Variants in MALRD1 observed in about 807,000 individuals in gnomAD.
The protein encoded by MALRD1 is MAM and LDL-receptor class A domain-containing protein 1.
In MALRD1, 247 loss-of-function variants were observed where a neutral mutation model predicts 242.1. That is an observed-to-expected ratio of 1.02 (90% CI 0.92 to 1.13). MALRD1 has a LOEUF of 1.13. Among genes scored for constraint, MALRD1 ranks in the 50% most tolerant of loss-of-function variants. MALRD1 has a pLI of 0.00. For synonymous variants in MALRD1, 995 were observed against 866.6 expected (o/e 1.15, Z -2.60); for missense variants, 2,989 against 2,533.1 (o/e 1.18, Z -3.86).
intron 18 of MALRD1, among the ~76,000 whole-genome samples, chr10:19,210,292 A>G (rs1400202269): frequency 6.6e-6 from 1 of 152,196 alleles, no homozygotes; most frequent in Non-Finnish European, 1.5e-5. Context: ...TTCTCTCAGC[A>G]ATTTCCTGAT....
intron 31 of MALRD1, among the ~76,000 whole-genome samples, chr10:19,499,469 T>C (rs903299904): frequency 6.7e-6 from 1 of 150,018 alleles, no homozygotes; most frequent in Non-Finnish European, 1.5e-5. Flanking sequence ...AAAACCAGCC[T>C]ATGCAGCAAG....
chr10:19,382,718 A>G (rs74118906), intron 26 of MALRD1, among the ~76,000 whole-genome samples: 2,478 of 152,186 alleles, frequency 0.016, 62 homozygotes, highest in African/African-American at 0.057. Flanking sequence ...TTATAAATAT[A>G]TGGAACCCTC....
intron 21 of MALRD1, among the ~76,000 whole-genome samples, chr10:19,315,023 A>AATTTATATAAATATG (rs1842587610): frequency 1.5e-5 from 2 of 137,686 alleles, no homozygotes; most frequent in African/African-American, 5.5e-5. Context: ...ATATAAATAT[A>AATTTATATAAATATG]TAAATATAAT....
intron 36 of MALRD1, among the ~76,000 whole-genome samples, chr10:19,691,657 C>A (rs773725793): frequency 2.6e-5 from 4 of 152,018 alleles, no homozygotes; most frequent in Admixed American, 2.6e-4. Context: ...CTCTTTCATT[C>A]GTAACTTTCT....
intron 21 of MALRD1, among the ~76,000 whole-genome samples, chr10:19,297,062 T>C (rs991541919): frequency 6.6e-6 from 1 of 150,990 alleles, no homozygotes; most frequent in Non-Finnish European, 1.5e-5. Context: ...GTGCCTCAAC[T>C]CTTTTCTCTT....
rs1008896007 is a variant in MALRD1, at chr10:19,407,560, A to G, written c.4845+17951A>G. 5.3e-5 allele frequency among the ~76,000 whole-genome samples: 8 copies of G among 152,156 alleles called. 1 individual carries two copies. The highest frequency in any genetic ancestry group is 3.9e-4 in the Admixed American group (6 of 15,272). ...ATAGACAAATTGACAAAAGACATAC[A>G]TAGGTATCACACCTAAGAGGAAATA... On this transcript the variant is annotated intron_variant, in intron 28 of 39. Transcript: ENST00000454679.
intron 28 of MALRD1, among the ~76,000 whole-genome samples, chr10:19,433,881 C>A (rs796896135): frequency 6.6e-6 from 1 of 151,978 alleles, no homozygotes; most frequent in Admixed American, 6.6e-5. Context: ...AACACACACA[C>A]ACACACACGC....
chr10:19,217,532 CTTTTTT>C (rs34267262), intron 18 of MALRD1, among the ~76,000 whole-genome samples: 8,872 of 116,586 alleles, frequency 0.076, 261 homozygotes, highest in African/African-American at 0.12. Context: ...ATCATGCAGT[CTTTTTT>C]TTTTTTTTTT....
intron 12 of MALRD1, among the ~76,000 whole-genome samples, chr10:19,162,981 A>C (rs1834498164): frequency 1.3e-5 from 2 of 150,862 alleles, no homozygotes; most frequent in South Asian, 4.2e-4. Flanking sequence ...TAAAAAGTTA[A>C]AAAAAAATTA....
chr10:19,388,069 T>C (rs758441047), intron 27 of MALRD1, among the ~76,000 whole-genome samples: 9 of 152,182 alleles, frequency 5.9e-5, no homozygotes, highest in Non-Finnish European at 1.0e-4. Context: ...CTCTTCCATG[T>C]CCCCTCTTAG....
Position 19,692,481 on chromosome 10 carries a change from G to A in MALRD1, c.6241G>A (p.Gly2081Arg), listed in dbSNP as rs1292808844. 2.0e-6 allele frequency: 3 copies of A among 1,535,458 alleles called. No individual in the cohort carries two copies. Among genetic ancestry groups the A allele is most frequent in the East Asian group, 4.9e-5 (2 of 40,840 alleles). Reference protein sequence around the residue: ...QNNTWTLLGIGLAFLMTHITV... With the variant: ...QNNTWTLLGIRLAFLMTHITV... ...AGATACATGGACTCTCCTGGGTATT[G>A]GATTAGCATTCCTGATGACTCACAT... Residue 2081 changes from glycine to arginine, a missense_variant, in exon 38 of 40, where the codon GGA becomes AGA. Coordinates refer to ENST00000454679, the MANE Select transcript of MALRD1 (RefSeq NM_001142308.3).
intron 29 of MALRD1, among the ~76,000 whole-genome samples, chr10:19,457,629 G>A (rs1264411445): frequency 1.3e-5 from 2 of 151,382 alleles, no homozygotes; most frequent in Non-Finnish European, 2.9e-5. Flanking sequence ...TCTTATCTCA[G>A]AATGTTGCAT....
At position 19,696,277 on chromosome 10, in the gene MALRD1, A is replaced by G. The variant is rs1210139781; in HGVS notation, c.6314+3723A>G. ...AGTATGGGTTCCAAGTAAACCAAGT[A>G]ACAAATGTGACTGGCTTTTATGAAC... On this transcript the variant is annotated intron_variant, in intron 38 of 39. Coordinates refer to ENST00000454679, the MANE Select transcript of MALRD1 (RefSeq NM_001142308.3). Among the ~76,000 whole-genome samples, 3 of 152,178 alleles carry G rather than the reference A, an allele frequency of 2.0e-5. No homozygotes were observed. The East Asian group carries it at 5.8e-4, about 29-fold the overall frequency.
rs1254605040 is a variant in MALRD1 at position 19,454,716 on chromosome 10, A to ACACACACACACACG, written c.5029+4239_5029+4240insGCACACACACACAC. ...TCGAGGACTGTCCGTGCACACGTAC[A>ACACACACACACACG]CACACACACACACACACACACACAC... On this transcript the variant is annotated intron_variant, in intron 29 of 39. Coordinates refer to ENST00000454679, the MANE Select transcript of MALRD1 (RefSeq NM_001142308.3). Among the ~76,000 whole-genome samples the ACACACACACACACG allele has an allele frequency of 8.8e-5, 8 of 91,346 alleles. No individual in the cohort carries two copies. The East Asian group carries it at 2.5e-3, about 28-fold the overall frequency. 59.9% of individuals were successfully genotyped at this position (91,346 alleles called of 152,430 possible). A position where few individuals can be genotyped will look rare whatever the true frequency, so the allele number is the denominator to read the frequency against.
At chr10:19,446,649 T>C (rs1043782436) in intron 28 of MALRD1, among the ~76,000 whole-genome samples, 1 of 152,148 alleles carries the variant, frequency 6.6e-6, no homozygotes. Context: ...AAAATAAATA[T>C]GCAATTTGCA....
At chr10:19,371,038 G>A (rs1322584912) in intron 26 of MALRD1, among the ~76,000 whole-genome samples, 1 of 147,696 alleles carries the variant, frequency 6.8e-6, no homozygotes, top group African/African-American at 2.5e-5. Flanking sequence ...TTAAGAGGTG[G>A]TAGGAGTTTT....
intron 31 of MALRD1, among the ~76,000 whole-genome samples, chr10:19,511,152 CT>C (rs1833384833): frequency 6.6e-6 from 1 of 152,142 alleles, no homozygotes; most frequent in African/African-American, 2.4e-5. Context: ...CCCAAAGATG[CT>C]CATTTACAGC....
intron 31 of MALRD1, among the ~76,000 whole-genome samples, chr10:19,528,926 C>T (rs982767201): frequency 2.0e-5 from 3 of 152,276 alleles, no homozygotes; most frequent in South Asian, 4.1e-4. Flanking sequence ...AGCCCATGAA[C>T]GGGAACTCTT....
Position 19,692,884 on chromosome 10 carries a change from T to TAC in MALRD1, c.6314+331_6314+332insCA, listed in dbSNP as rs1295884515. Among the ~76,000 whole-genome samples the TAC allele has an allele frequency of 6.1e-3, 430 of 70,828 alleles. 7 individuals are homozygous for TAC. The highest frequency in any genetic ancestry group is 7.3e-3 in the Non-Finnish European group (217 of 29,788). 46.5% of individuals were successfully genotyped at this position (70,828 alleles called of 152,430 possible). On this transcript the variant is annotated intron_variant, in intron 38 of 39. Coordinates refer to ENST00000454679, the MANE Select transcript of MALRD1 (RefSeq NM_001142308.3). The stretch of plus-strand genomic sequence containing the variant: ...AGATGAAATTATATATATATATATA[T>TAC]ATAATTTCATCCCTGGAATGCAAGG...
Sources: allele counts gnomAD v4.1 joint callset (sites outside exome capture counted in the v4.1 genomes callset), GRCh38; gene constraint gnomAD v4.1.1; transcripts MANE v1.5; gene names NCBI Gene and HGNC (gene_info 2026-07-23, HGNC 2026-07-21).